Variants in ZFAT observed in about 807,000 individuals in gnomAD.
ZFAT encodes zinc finger protein ZFAT.
A neutral mutation model predicts 117.7 loss-of-function variants in ZFAT; 64 were observed. The observed-to-expected ratio is 0.54, with a 90% confidence interval of 0.44 to 0.67. The LOEUF is 0.67. Ranked by LOEUF, ZFAT falls within the 30% of genes least tolerant of loss-of-function variation. The pLI, the probability that ZFAT is intolerant of heterozygous loss-of-function variation, is 0.00. For missense variants in ZFAT, 1,433 were observed against 1,584.5 expected (o/e 0.90, Z 1.62); for synonymous variants, 679 against 615.0 (o/e 1.10, Z -1.54).
At chr8:134,770,423 A>G in the ZFAT span, among the ~76,000 whole-genome samples, 1 of 152,212 alleles carries the variant, frequency 6.6e-6, no homozygotes, top group African/African-American at 2.4e-5. Context: ...ATAAGTTGTG[A>G]ATGTTTCATG....
At chr8:134,488,329 G>A (rs1275341882) in intron 15 of ZFAT, among the ~76,000 whole-genome samples, 1 of 152,230 alleles carries the variant, frequency 6.6e-6, no homozygotes, top group Non-Finnish European at 1.5e-5. Flanking sequence ...CTAACATGGG[G>A]AACAGGTGTG....
At chr8:134,563,920 C>T (rs1405614543) in intron 11 of ZFAT, among the ~76,000 whole-genome samples, 5 of 152,070 alleles carry the variant, frequency 3.3e-5, no homozygotes, top group African/African-American at 4.8e-5. Flanking sequence ...ACTGAAGCCT[C>T]GAACATTCTC....
intron 15 of ZFAT, among the ~76,000 whole-genome samples, chr8:134,484,286 G>T (rs1485924435): frequency 6.6e-6 from 1 of 152,200 alleles, no homozygotes; most frequent in Admixed American, 6.5e-5. Flanking sequence ...GTAGGTGATG[G>T]TGATTTAGGC....
At chr8:134,713,124 C>T (rs556673974), upstream of ZFAT, 25 of 380,324 alleles carry the variant, frequency 6.6e-5, no homozygotes, top group South Asian at 1.5e-4. Context: ...CGCGGCCCGG[C>T]AGGGCCGAGC....
the ZFAT span, chr8:134,767,202 G>T: frequency 1.3e-5 from 2 of 152,150 alleles, no homozygotes; most frequent in African/African-American, 4.8e-5. Flanking sequence ...TTCTGCAATT[G>T]TTGGGTTCTA....
the ZFAT span, chr8:134,797,585 T>C: frequency 1.3e-5 from 2 of 152,146 alleles, no homozygotes; most frequent in Non-Finnish European, 2.9e-5. Context: ...CAGTTATAAC[T>C]GCACCTGGAT....
chr8:134,677,741 C>T (rs1832873897), intron 1 of ZFAT, among the ~76,000 whole-genome samples: 2 of 152,184 alleles, frequency 1.3e-5, no homozygotes, highest in Admixed American at 1.3e-4. Context: ...CATCAAAAAG[C>T]TTGTCCACCA....
At chr8:134,595,850 T>G (rs1826887970) in intron 7 of ZFAT, among the ~76,000 whole-genome samples, 1 of 152,218 alleles carries the variant, frequency 6.6e-6, no homozygotes, top group Non-Finnish European at 1.5e-5. Context: ...CTCAGCCAGA[T>G]TATCCTACAG....
At chr8:134,759,604 G>GAA in the ZFAT span, among the ~76,000 whole-genome samples, 54,857 of 149,184 alleles carry the variant, frequency 0.37, 9,959 homozygotes, top group Admixed American at 0.42. Context: ...ATTCATTTAG[G>GAA]AAAAAAAAAA....
At chr8:134,498,213 T>C (rs1316596692) in intron 15 of ZFAT, among the ~76,000 whole-genome samples, 5 of 65,748 alleles carry the variant, frequency 7.6e-5, no homozygotes, top group Non-Finnish European at 1.2e-4. Context: ...GGGGTGGAGC[T>C]GGGATGCCCC....
chr8:134,699,909 C>T (rs1833965643), intron 1 of ZFAT, among the ~76,000 whole-genome samples: 1 of 152,212 alleles, frequency 6.6e-6, no homozygotes, highest in Non-Finnish European at 1.5e-5. Context: ...AGGCAGAAGG[C>T]TGGCACGCAC....
chr8:134,626,717 GC>G (rs767118356), intron 3 of ZFAT, among the ~76,000 whole-genome samples: 48 of 152,236 alleles, frequency 3.2e-4, no homozygotes, highest in Non-Finnish European at 6.6e-4. Context: ...GCTCATCCAG[GC>G]CCACCTCTGG....
chr8:134,603,077 C>T, intron 5 of ZFAT, 144 bp from the exon 6 acceptor site: 1 of 1,133,970 alleles, frequency 8.8e-7, no homozygotes, highest in Non-Finnish European at 1.2e-6. Context: ...ACTCACTCAA[C>T]AAACAGGATC....
At chr8:134,633,611 C>G (rs559711098) in intron 3 of ZFAT, among the ~76,000 whole-genome samples, 18 of 152,314 alleles carry the variant, frequency 1.2e-4, no homozygotes, top group Middle Eastern at 6.8e-3. Context: ...GGACACACAG[C>G]AAAGCAGTCA....
At chr8:134,484,575 A>C (rs1397229271) in intron 15 of ZFAT, among the ~76,000 whole-genome samples, 7 of 152,184 alleles carry the variant, frequency 4.6e-5, no homozygotes, top group African/African-American at 1.7e-4. Context: ...CAAGGCTCAG[A>C]GAAAATAAAC....
chr8:134,503,462 A>AT (rs1299406860), intron 15 of ZFAT, among the ~76,000 whole-genome samples: 2 of 152,214 alleles, frequency 1.3e-5, no homozygotes, highest in African/African-American at 4.8e-5. Flanking sequence ...ACCCTGAAAC[A>AT]TATTTGTACA....
the ZFAT span, among the ~76,000 whole-genome samples, chr8:134,770,110 C>G: frequency 7.2e-3 from 1,099 of 152,352 alleles, 13 homozygotes; most frequent in African/African-American, 0.025. Flanking sequence ...TCCCCATTGT[C>G]TTGGGGATTA....
At chr8:134,544,621 G>GA (rs1179107772) in intron 11 of ZFAT, among the ~76,000 whole-genome samples, 2 of 151,752 alleles carry the variant, frequency 1.3e-5, no homozygotes, top group Non-Finnish European at 2.9e-5. Context: ...ACAGAAAAAT[G>GA]AAAAAATAGT....
chr8:134,643,819 A>T (rs1285446506), intron 2 of ZFAT, among the ~76,000 whole-genome samples: 2 of 152,176 alleles, frequency 1.3e-5, no homozygotes, highest in Admixed American at 1.3e-4. Flanking sequence ...AAAGGTCCCT[A>T]TGTGCCAGCC....
Sources: gnomAD v4.1 joint callset for allele counts (sites outside exome capture counted in the v4.1 genomes callset) on GRCh38, gnomAD v4.1.1 for gene constraint, MANE v1.5 for transcripts, NCBI Gene and HGNC (gene_info 2026-07-23, HGNC 2026-07-21) for gene names.